Variants in CNTFR observed in about 807,000 individuals in gnomAD.
The protein encoded by CNTFR is ciliary neurotrophic factor receptor subunit alpha.
A neutral mutation model predicts 40.4 loss-of-function variants in CNTFR; 12 were observed. That is an observed-to-expected ratio of 0.30 (90% CI 0.19 to 0.48). The LOEUF is 0.48. Among genes scored for constraint, CNTFR ranks in the 20% least tolerant of loss-of-function variants. CNTFR has a pLI of 0.99. For synonymous variants in CNTFR, 202 were observed against 209.6 expected (o/e 0.96, Z 0.31); for missense variants, 414 against 506.8 (o/e 0.82, Z 1.76).
At chr9:34,577,394 T>G (rs1407946795) in intron 2 of CNTFR, among the ~76,000 whole-genome samples, 1 of 151,994 alleles carries the variant, frequency 6.6e-6, no homozygotes, top group Non-Finnish European at 1.5e-5. Context: ...AAGGGGGCAG[T>G]GGGGACAAAA....
rs567348093 is a variant in CNTFR, at chr9:34,577,448, C to T, written c.-1+3647G>A. On this transcript the variant is annotated intron_variant, in intron 2 of 9. Coordinates refer to ENST00000378980, the MANE Select transcript of CNTFR (RefSeq NM_147164.3). ...GTAAGGAAACCAGGTGACAGGGCCC[C>T]AAAGAAGGTAGGTGGTGGGAGCCAA... is the stretch of plus-strand genomic sequence containing the variant. 2.0e-5 allele frequency among the ~76,000 whole-genome samples: 3 copies of T among 152,246 alleles called. No homozygotes were observed. The South Asian group carries it at 6.2e-4, about 32-fold the overall frequency.
At chr9:34,563,770 C>T (rs754829176) in intron 4 of CNTFR, among the ~76,000 whole-genome samples, 2 of 152,182 alleles carry the variant, frequency 1.3e-5, no homozygotes, top group Admixed American at 6.5e-5. Flanking sequence ...CGTCCAACTG[C>T]GCCTTCTCAG....
chr9:34,571,657 G>T (rs1465218862), intron 2 of CNTFR, among the ~76,000 whole-genome samples: 1 of 152,136 alleles, frequency 6.6e-6, no homozygotes, highest in East Asian at 1.9e-4. Flanking sequence ...ATGAGTTACT[G>T]TAAGGGCCGG....
At chr9:34,580,022 C>G (rs898370464) in intron 2 of CNTFR, 4 of 152,118 alleles carry the variant, frequency 2.6e-5, no homozygotes, top group African/African-American at 9.7e-5. Flanking sequence ...GCAGGAAGTC[C>G]TTCCTGCTGT....
Position 34,551,896 on chromosome 9 carries a change from C to A in CNTFR, c.*175G>T. On this transcript the variant is annotated 3_prime_UTR_variant, in exon 10 of 10. Transcript: ENST00000378980. ...GGGAGGAAGGAGGGCCAGCTTGGTGCGGCAGGGCTGGGGGGCGGCAGGCCC... is the reference window on the plus strand; with the variant it reads ...GGGAGGAAGGAGGGCCAGCTTGGTGAGGCAGGGCTGGGGGGCGGCAGGCCC... 7.1e-6 allele frequency: 5 copies of A among 700,176 alleles called. No homozygotes were observed. Among genetic ancestry groups the A allele is most frequent in the Admixed American group, 2.0e-5 (1 of 49,064 alleles). 43.4% of individuals were successfully genotyped at this position (700,176 alleles called of 1,614,324 possible). A position where few individuals can be genotyped will look rare whatever the true frequency, so the allele number is the denominator to read the frequency against.
At chr9:34,560,277 C>T (rs1209029555) in intron 4 of CNTFR, among the ~76,000 whole-genome samples, 2 of 152,128 alleles carry the variant, frequency 1.3e-5, no homozygotes, top group African/African-American at 4.8e-5. Context: ...TTTTAAGACG[C>T]TGTGATTGCA....
At chr9:34,587,221 T>C (rs550129398) in intron 1 of CNTFR, among the ~76,000 whole-genome samples, 198 of 152,274 alleles carry the variant, frequency 1.3e-3, no homozygotes, top group Middle Eastern at 6.8e-3. Flanking sequence ...ATTAGAGTTC[T>C]AGTGTAAGTC....
intron 7 of CNTFR, among the ~76,000 whole-genome samples, chr9:34,553,933 G>C (rs1322008496): frequency 6.6e-6 from 1 of 152,110 alleles, no homozygotes; most frequent in African/African-American, 2.4e-5. Context: ...AGAAAACTGG[G>C]GTCTGGGCTA....
intron 7 of CNTFR, among the ~76,000 whole-genome samples, chr9:34,554,315 C>A (rs1176545050): frequency 2.6e-5 from 4 of 152,206 alleles, no homozygotes; most frequent in Non-Finnish European, 4.4e-5. Context: ...GTCAGTCTCT[C>A]CCCACAGGGA....
intron 3 of CNTFR, among the ~76,000 whole-genome samples, 196 bp downstream of exon 3, chr9:34,568,701 T>C (rs569651939): frequency 4.3e-4 from 66 of 152,256 alleles, no homozygotes; most frequent in Admixed American, 1.6e-3. Context: ...AGAGACACCG[T>C]CAGCATTCGA....
intron 1 of CNTFR, chr9:34,582,307 T>G: frequency 7.0e-6 from 1 of 141,946 alleles, no homozygotes; most frequent in African/African-American, 2.7e-5. Flanking sequence ...ACACAAGCTT[T>G]GGAGGTAATC....
At chr9:34,586,012 G>A (rs960928316) in intron 1 of CNTFR, among the ~76,000 whole-genome samples, 6 of 152,210 alleles carry the variant, frequency 3.9e-5, no homozygotes, top group African/African-American at 1.4e-4. Context: ...TTCAGGACGG[G>A]GAGCAGTTAC....
chr9:34,588,666 A>G (rs1189601715), intron 1 of CNTFR, among the ~76,000 whole-genome samples: 1 of 152,220 alleles, frequency 6.6e-6, no homozygotes, highest in Non-Finnish European at 1.5e-5. Context: ...AAGGCGTGAA[A>G]TAGTCCTGCC....
intron 1 of CNTFR, chr9:34,582,487 T>A (rs866975042): frequency 6.6e-6 from 1 of 152,058 alleles, no homozygotes; most frequent in Non-Finnish European, 1.5e-5. Flanking sequence ...TCACCTTCTA[T>A]AAGACCCCAG....
intron 2 of CNTFR, chr9:34,570,154 C>T (rs1391411408): frequency 2.6e-5 from 4 of 152,330 alleles, no homozygotes; most frequent in Non-Finnish European, 1.5e-5. Flanking sequence ...GAGATTCCAG[C>T]CAGCCACACA....
rs1428790036 is a variant in CNTFR at position 34,552,950 on chromosome 9, G to C, written c.769-96C>G. On this transcript the variant is annotated intron_variant, in intron 7 of 9. Coordinates refer to ENST00000378980, the MANE Select transcript of CNTFR (RefSeq NM_147164.3). The surrounding 1 kb of genome is among the most constrained non-coding windows in gnomAD (Gnocchi z 5.1). ...AGTGAGCATGCCTCTGAGGAGAGGA[G>C]AGTAAAGGGCTCTGGGGGCAGTGAG... 13 of 1,223,360 alleles carry C rather than the reference G, an allele frequency of 1.1e-5. No homozygotes were observed. Among genetic ancestry groups the C allele is most frequent in the African/African-American group, 4.6e-5 (3 of 65,546 alleles). 75.8% of individuals were successfully genotyped at this position (1,223,360 alleles called of 1,614,324 possible).
At chr9:34,585,152 A>C (rs1827484712) in intron 1 of CNTFR, among the ~76,000 whole-genome samples, 1 of 152,238 alleles carries the variant, frequency 6.6e-6, no homozygotes, top group African/African-American at 2.4e-5. Context: ...TACTGTTCAC[A>C]CAAGAATGCC....
chr9:34,574,499 G>C (rs1388985014), intron 2 of CNTFR, among the ~76,000 whole-genome samples: 2 of 152,158 alleles, frequency 1.3e-5, no homozygotes, highest in African/African-American at 4.8e-5. Context: ...CAGTCCTCAG[G>C]GGAAATGACC....
rs369154511 is a variant in CNTFR, at chr9:34,556,462, ACAACCCACTTTGT to A, written c.605-57_605-45del. ...TTCATTACTACACTAATCACTGGCA[ACAACCCACTTTGT>A]CAACTCCAGCCACCATGTTGACCCT... On this transcript the variant is annotated intron_variant, in intron 6 of 9. Transcript: ENST00000378980. 1.1e-4 allele frequency: 169 copies of A among 1,534,986 alleles called. 1 individual carries two copies. The African/African-American group carries it at 1.9e-3, about 17-fold the overall frequency.
Sources: gnomAD v4.1 joint callset for allele counts (sites outside exome capture counted in the v4.1 genomes callset) on GRCh38, gnomAD v4.1.1 for gene constraint, Gnocchi (gnomAD v3.1) non-coding constraint, MANE v1.5 for transcripts, NCBI Gene and HGNC (gene_info 2026-07-23, HGNC 2026-07-21) for gene names.